Variants in DCDC2 observed in about 807,000 individuals in gnomAD.
DCDC2 encodes doublecortin domain containing 2, also known as doublecortin domain-containing protein 2.
In DCDC2, 40 loss-of-function variants were observed where a neutral mutation model predicts 50.2. The observed-to-expected ratio is 0.80, with a 90% CI of 0.62 to 1.04. DCDC2 has a LOEUF of 1.04. Among genes scored for constraint, DCDC2 ranks in the 50% least tolerant of loss-of-function variants. DCDC2 has a pLI of 0.00. For missense variants in DCDC2, 570 were observed against 581.9 expected (o/e 0.98, Z 0.21); for synonymous variants, 234 against 210.6 (o/e 1.11, Z -0.96).
chr6:24,278,046 T>C lies in DCDC2; in HGVS notation c.922+3A>G. The C allele has an allele frequency of 6.2e-7, 1 of 1,604,634 alleles. No homozygotes were observed. The highest frequency in any genetic ancestry group is 1.1e-5 in the South Asian group (1 of 90,074). On this transcript the variant is annotated splice_donor_region_variant and intron_variant, in intron 7 of 9. Coordinates refer to ENST00000378454, the MANE Select transcript of DCDC2 (RefSeq NM_016356.5). ...AGCCTTAAGATAATAATAACACACT[T>C]ACCACTATTTGGAATGGTTTCTTGT... is the stretch of plus-strand genomic sequence containing the variant.
At chr6:24,203,428 G>A (rs1761632285) in intron 8 of DCDC2, among the ~76,000 whole-genome samples, 1 of 152,190 alleles carries the variant, frequency 6.6e-6, no homozygotes, top group South Asian at 2.1e-4. Flanking sequence ...AAACTGGCTA[G>A]CCACATGCAG....
At chr6:24,291,687 G>A (rs199549415) in intron 4 of DCDC2, among the ~76,000 whole-genome samples, 13,481 of 150,462 alleles carry the variant, frequency 0.09, 779 homozygotes, top group East Asian at 0.16. Context: ...GGGTTTCACC[G>A]TTTTAGCCGG....
intron 2 of DCDC2, among the ~76,000 whole-genome samples, chr6:24,339,616 T>G (rs371529578): frequency 6.6e-6 from 1 of 152,196 alleles, no homozygotes; most frequent in East Asian, 1.9e-4. Context: ...CAGACTCCTC[T>G]TCTCCAATTG....
chr6:24,183,076 G>C (rs1409517334), intron 8 of DCDC2, among the ~76,000 whole-genome samples: 1 of 152,192 alleles, frequency 6.6e-6, no homozygotes, highest in Non-Finnish European at 1.5e-5. Context: ...GATTCTACAT[G>C]TGAGGTATGT....
chr6:24,227,652 G>A (rs1481909716), intron 7 of DCDC2, among the ~76,000 whole-genome samples: 3 of 152,112 alleles, frequency 2.0e-5, no homozygotes, highest in African/African-American at 7.2e-5. Flanking sequence ...ATTATTCCTG[G>A]CAACTCTTTC....
chr6:24,281,996 C>T (rs911405799), intron 6 of DCDC2, among the ~76,000 whole-genome samples: 1 of 152,054 alleles, frequency 6.6e-6, no homozygotes, highest in Non-Finnish European at 1.5e-5. Context: ...AGTATGGTTC[C>T]CTAAAACAGC....
chr6:24,210,273 C>T lies in DCDC2; in HGVS notation c.923-5171G>A, dbSNP rs115722861. On this transcript the variant is annotated intron_variant, in intron 7 of 9. Transcript: ENST00000378454. ...TCAATGTGCCAGTGATTCTCTAATA[C>T]GTATATTCAGCCTTGACCTCTTTAT... 7.8e-3 allele frequency among the ~76,000 whole-genome samples: 1,185 copies of T among 152,222 alleles called. 10 individuals are homozygous for T. The highest frequency in any genetic ancestry group is 0.026 in the African/African-American group (1,069 of 41,528).
intron 2 of DCDC2, among the ~76,000 whole-genome samples, chr6:24,351,379 C>T (rs993715601): frequency 7.9e-5 from 12 of 152,112 alleles, no homozygotes; most frequent in Admixed American, 4.6e-4. Context: ...AGGACTCTAG[C>T]GAACAAGTGG....
upstream of DCDC2, among the ~76,000 whole-genome samples, chr6:24,358,741 T>TTGTA (rs1760534329): frequency 4.6e-4 from 1 of 2,156 alleles, no homozygotes; most frequent in South Asian, 0.013. Flanking sequence ...TTTATATATA[T>TTGTA]TTTATTTATT....
At chr6:24,259,246 C>T (rs761407372) in intron 7 of DCDC2, among the ~76,000 whole-genome samples, 1 of 152,058 alleles carries the variant, frequency 6.6e-6, no homozygotes, top group Non-Finnish European at 1.5e-5. Flanking sequence ...GAAATATGGG[C>T]CTTAATGTAA....
At chr6:24,356,635 A>G (rs2127256859) in intron 1 of DCDC2, among the ~76,000 whole-genome samples, 1 of 54,468 alleles carries the variant, frequency 1.8e-5, no homozygotes, top group East Asian at 5.6e-4. Context: ...CAATTCCCAC[A>G]TAACTTTATT....
At chr6:24,333,668 G>C (rs957379621) in intron 2 of DCDC2, among the ~76,000 whole-genome samples, 2 of 152,184 alleles carry the variant, frequency 1.3e-5, no homozygotes, top group African/African-American at 4.8e-5. Context: ...TTTATGCTAA[G>C]AGTAACAGGA....
At chr6:24,323,823 A>G (rs115744454) in intron 2 of DCDC2, among the ~76,000 whole-genome samples, 1,561 of 152,300 alleles carry the variant, frequency 0.01, 29 homozygotes, top group African/African-American at 0.034. Context: ...GTTTTGTTTT[A>G]GTTTCAAAGA....
At chr6:24,303,106 G>A (rs1266758571) in intron 2 of DCDC2, among the ~76,000 whole-genome samples, 1 of 151,622 alleles carries the variant, frequency 6.6e-6, no homozygotes, top group Non-Finnish European at 1.5e-5. Flanking sequence ...ATTCATTTAA[G>A]ACCTCCATCT....
chr6:24,301,011 G>A (rs914286863), intron 4 of DCDC2, among the ~76,000 whole-genome samples: 3 of 150,626 alleles, frequency 2.0e-5, no homozygotes, highest in Middle Eastern at 3.4e-3. Flanking sequence ...TTTACCCTAG[G>A]CAAATAGTTT....
intron 8 of DCDC2, among the ~76,000 whole-genome samples, chr6:24,182,033 T>C (rs1022749001): frequency 4.6e-5 from 7 of 152,226 alleles, no homozygotes; most frequent in African/African-American, 1.7e-4. Context: ...CAAATGGTTC[T>C]GATAAGGGTG....
chr6:24,182,040 G>A (rs78236185), intron 8 of DCDC2, among the ~76,000 whole-genome samples: 2 of 152,116 alleles, frequency 1.3e-5, no homozygotes, highest in Admixed American at 1.3e-4. Flanking sequence ...TTCTGATAAG[G>A]GTGCCAACAC....
chr6:24,348,951 T>C (rs1287218912), intron 2 of DCDC2, among the ~76,000 whole-genome samples: 7 of 152,204 alleles, frequency 4.6e-5, no homozygotes, highest in African/African-American at 1.7e-4. Flanking sequence ...TGCCTGCTCT[T>C]CCCCTCTCTA....
At chr6:24,179,227 G>T (rs1274277857) in intron 8 of DCDC2, among the ~76,000 whole-genome samples, 1 of 152,082 alleles carries the variant, frequency 6.6e-6, no homozygotes, top group Non-Finnish European at 1.5e-5. Context: ...CTAAGGTCAA[G>T]AAACTATATG....
Sources: gnomAD v4.1 joint callset for allele counts (sites outside exome capture counted in the v4.1 genomes callset) on GRCh38, gnomAD v4.1.1 for gene constraint, MANE v1.5 for transcripts, NCBI Gene and HGNC (gene_info 2026-07-23, HGNC 2026-07-21) for gene names.